The following NRXN1 variants were observed in gnomAD, a reference collection of about 807,000 sequenced individuals.
The protein encoded by NRXN1 is neurexin 1.
In NRXN1, 39 loss-of-function variants were observed where a neutral mutation model predicts 150.9. That is an observed-to-expected ratio of 0.26 (90% CI 0.20 to 0.34). The LOEUF (loss-of-function observed/expected upper bound fraction) is 0.34. NRXN1 is among the 10% of genes least tolerant of loss of function. The probability of loss-of-function intolerance (pLI) is 1.00; values close to 1 mark genes in which losing one functional copy is unlikely to be tolerated. For synonymous variants in NRXN1, 924 were observed against 757.0 expected (o/e 1.22, Z -3.62); for missense variants, 1,815 against 1,949.9 (o/e 0.93, Z 1.30).
intron 5 of NRXN1, among the ~76,000 whole-genome samples, chr2:50,791,424 C>T (rs1460997533): frequency 3.3e-5 from 5 of 151,606 alleles, no homozygotes; most frequent in Admixed American, 3.3e-4. Context: ...GGTTAGGTTT[C>T]TCAACTCTCA....
intron 17 of NRXN1, among the ~76,000 whole-genome samples, chr2:50,244,847 A>G (rs571766828): frequency 6.6e-6 from 1 of 152,012 alleles, no homozygotes; most frequent in African/African-American, 2.4e-5. Flanking sequence ...GTTATCATCT[A>G]TTTTGGATTT....
intron 5 of NRXN1, among the ~76,000 whole-genome samples, chr2:50,902,513 C>T (rs1032664872): frequency 6.6e-6 from 1 of 152,122 alleles, no homozygotes; most frequent in African/African-American, 2.4e-5. Flanking sequence ...AGTGAAACAA[C>T]TTAATATCAG....
chr2:50,664,784 A>G (rs1687792540), intron 5 of NRXN1, among the ~76,000 whole-genome samples: 1 of 151,860 alleles, frequency 6.6e-6, no homozygotes, highest in African/African-American at 2.4e-5. Flanking sequence ...TCCTAAAAAA[A>G]AAAAAACAAA....
At chr2:49,961,295 T>C (rs1411557230) in intron 21 of NRXN1, among the ~76,000 whole-genome samples, 3 of 151,136 alleles carry the variant, frequency 2.0e-5, no homozygotes, top group African/African-American at 4.9e-5. Flanking sequence ...CTTTGACCCA[T>C]CTTCCAAAAT....
At chr2:50,174,386 C>G (rs997398379) in intron 18 of NRXN1, among the ~76,000 whole-genome samples, 5 of 152,008 alleles carry the variant, frequency 3.3e-5, no homozygotes, top group Admixed American at 1.3e-4. Flanking sequence ...AATAAAAGAT[C>G]CATGTAAAGC....
chr2:50,491,187 G>C (rs1265266021), intron 15 of NRXN1, among the ~76,000 whole-genome samples: 2 of 152,150 alleles, frequency 1.3e-5, no homozygotes, highest in African/African-American at 4.8e-5. Context: ...ATGTGATTAT[G>C]ACTTTGAATA....
At chr2:50,998,710 G>C (rs1366899857) in intron 2 of NRXN1, among the ~76,000 whole-genome samples, 1 of 151,972 alleles carries the variant, frequency 6.6e-6, no homozygotes, top group Non-Finnish European at 1.5e-5. Flanking sequence ...ATTGATGACA[G>C]AAACATTTTA....
intron 17 of NRXN1, among the ~76,000 whole-genome samples, chr2:50,295,181 T>C (rs975623470): frequency 6.6e-6 from 1 of 152,178 alleles, no homozygotes; most frequent in African/African-American, 2.4e-5. Context: ...TAGCATGTGG[T>C]ATCAATTAAT....
At chr2:50,298,599 C>T (rs769459636) in intron 17 of NRXN1, among the ~76,000 whole-genome samples, 1 of 151,950 alleles carries the variant, frequency 6.6e-6, no homozygotes, top group Non-Finnish European at 1.5e-5. Context: ...ATATTTTATC[C>T]ACCACTTCTT....
chr2:49,986,624 C>T (rs1308596250), intron 21 of NRXN1, among the ~76,000 whole-genome samples: 1 of 152,034 alleles, frequency 6.6e-6, no homozygotes, highest in African/African-American at 2.4e-5. Flanking sequence ...ATAATAACTA[C>T]ATATTTATGA....
chr2:50,348,156 T>C (rs1306310845), intron 17 of NRXN1, among the ~76,000 whole-genome samples: 1 of 152,208 alleles, frequency 6.6e-6, no homozygotes, highest in African/African-American at 2.4e-5. Context: ...CTGCTAAATA[T>C]GGCTTGATAC....
At chr2:50,946,309 GGAACACTTACACCT>G (rs1690381542) in intron 2 of NRXN1, among the ~76,000 whole-genome samples, 1 of 152,066 alleles carries the variant, frequency 6.6e-6, no homozygotes, top group Non-Finnish European at 1.5e-5. Context: ...AAATAAGTGT[GGAACACTTACACCT>G]ATTTCAGAGG....
chr2:50,203,367 C>T (rs1334674204), intron 18 of NRXN1, among the ~76,000 whole-genome samples: 1 of 152,156 alleles, frequency 6.6e-6, no homozygotes, highest in Non-Finnish European at 1.5e-5. Flanking sequence ...TGGGTCTTTA[C>T]ATTCTTGAAT....
intron 5 of NRXN1, among the ~76,000 whole-genome samples, chr2:50,832,353 G>GA (rs1671523809): frequency 1.3e-5 from 2 of 152,248 alleles, no homozygotes; most frequent in South Asian, 2.1e-4. Context: ...GGAAGACACT[G>GA]AAAAAATGAC....
intron 5 of NRXN1, among the ~76,000 whole-genome samples, chr2:50,692,254 A>G (rs1692187442): frequency 6.6e-6 from 1 of 152,200 alleles, no homozygotes; most frequent in Admixed American, 6.5e-5. Context: ...GCCTTTGAAT[A>G]TGATTAGAGA....
At chr2:50,108,931 C>T (rs1465085968) in intron 18 of NRXN1, among the ~76,000 whole-genome samples, 1 of 151,946 alleles carries the variant, frequency 6.6e-6, no homozygotes, top group Non-Finnish European at 1.5e-5. Context: ...GCAAATATAG[C>T]CATTTAAAAT....
chr2:50,240,021 T>C (rs2065871323), intron 17 of NRXN1, among the ~76,000 whole-genome samples: 1 of 151,450 alleles, frequency 6.6e-6, no homozygotes, highest in Admixed American at 6.6e-5. Flanking sequence ...TTGTGGGTAA[T>C]AATTTGAAGT....
At chr2:50,342,554 A>G (rs2152993943) in intron 17 of NRXN1, among the ~76,000 whole-genome samples, 1 of 152,344 alleles carries the variant, frequency 6.6e-6, no homozygotes, top group East Asian at 1.9e-4. Flanking sequence ...TCTATGAAAC[A>G]TTAACCTCCT....
At chr2:50,143,025 T>G (rs1707494949) in intron 18 of NRXN1, among the ~76,000 whole-genome samples, 1 of 151,948 alleles carries the variant, frequency 6.6e-6, no homozygotes, top group Non-Finnish European at 1.5e-5. Context: ...TTTATTTCCT[T>G]CTTTATGAGC....
Sources: gnomAD v4.1 joint callset for allele counts (sites outside exome capture counted in the v4.1 genomes callset) on GRCh38, gnomAD v4.1.1 for gene constraint, MANE v1.5 for transcripts, NCBI Gene and HGNC (gene_info 2026-07-23, HGNC 2026-07-21) for gene names.